CAP2: variants seen among roughly 807,000 people sequenced by gnomAD.
CAP2 encodes the protein adenylyl cyclase-associated protein 2.
In CAP2, 24 loss-of-function variants were observed where a neutral mutation model predicts 57.7. The ratio of observed to expected loss-of-function variants is 0.42; its 90% CI spans 0.30 to 0.58. The LOEUF (loss-of-function observed/expected upper bound fraction) is 0.58, where lower values mean the gene tolerates loss of function less well. CAP2 is among the 20% of genes least tolerant of loss of function. The pLI, the probability that CAP2 is intolerant of heterozygous loss-of-function variation, is 0.22. For synonymous variants in CAP2, 194 were observed against 207.2 expected, an observed-to-expected ratio of 0.94 and a Z score of 0.55; for missense variants, 501 against 590.3, an observed-to-expected ratio of 0.85 and a Z score of 1.57.
intron 4 of CAP2, among the ~76,000 whole-genome samples, chr6:17,479,031 A>G (rs1332698672): frequency 6.6e-6 from 1 of 152,040 alleles, no homozygotes; most frequent in Non-Finnish European, 1.5e-5. Flanking sequence ...TCAGAAGAGG[A>G]CTTTCTCAAA....
Position 17,526,150 on chromosome 6 carries a change from C to T in CAP2, c.636+12196C>T, listed in dbSNP as rs140533236. Among the ~76,000 whole-genome samples, 266 of 150,788 alleles carry T rather than the reference C, an allele frequency of 1.8e-3. 1 individual carries two copies. The highest frequency in any genetic ancestry group is 5.8e-3 in the African/African-American group (237 of 40,982). On this transcript the variant is annotated intron_variant, in intron 7 of 12. Coordinates refer to ENST00000229922, the MANE Select transcript of CAP2 (RefSeq NM_006366.3). Reference sequence around the variant, plus strand: ...TTTTTTTTTTAATGATGGAGTCTCGCTCTGTCGCCCAACCTGGAGTGCAGT... The same window carrying T: ...TTTTTTTTTTAATGATGGAGTCTCGTTCTGTCGCCCAACCTGGAGTGCAGT...
intron 4 of CAP2, 86 bp from the exon 5 acceptor site, chr6:17,507,083 A>G (rs966320410): frequency 1.0e-5 from 14 of 1,384,494 alleles, no homozygotes; most frequent in Non-Finnish European, 1.2e-5. Context: ...CAGGTCCTGA[A>G]TTCTCCTGCT....
At chr6:17,555,277 C>T (rs147378778) in intron 12 of CAP2, among the ~76,000 whole-genome samples, 148 of 152,186 alleles carry the variant, frequency 9.7e-4, no homozygotes, top group African/African-American at 3.2e-3. Flanking sequence ...TCACCACAAG[C>T]TCTGCCTCAT....
chr6:17,432,414 C>G (rs933824842), intron 3 of CAP2, among the ~76,000 whole-genome samples: 1 of 152,206 alleles, frequency 6.6e-6, no homozygotes, highest in African/African-American at 2.4e-5. Flanking sequence ...TGCCTTCAGC[C>G]AACTTGCTCT....
intron 4 of CAP2, among the ~76,000 whole-genome samples, chr6:17,502,470 A>G (rs1410665834): frequency 6.6e-6 from 1 of 152,118 alleles, no homozygotes; most frequent in Non-Finnish European, 1.5e-5. Flanking sequence ...TGTTTATTAG[A>G]GTTGTGCAAA....
At chr6:17,410,165 C>A (rs1685208614) in intron 1 of CAP2, among the ~76,000 whole-genome samples, 1 of 152,224 alleles carries the variant, frequency 6.6e-6, no homozygotes, top group African/African-American at 2.4e-5. Flanking sequence ...AGCCTCTCTA[C>A]TTCCCAGGGC....
intron 4 of CAP2, among the ~76,000 whole-genome samples, chr6:17,504,688 G>T (rs1411442622): frequency 6.6e-6 from 1 of 152,014 alleles, no homozygotes; most frequent in Non-Finnish European, 1.5e-5. Context: ...TCCATAAAAA[G>T]AAATACATTT....
intron 7 of CAP2, among the ~76,000 whole-genome samples, chr6:17,530,724 G>T (rs187535918): frequency 6.6e-6 from 1 of 152,126 alleles, no homozygotes; most frequent in Admixed American, 6.5e-5. Context: ...CTCTGTGGAA[G>T]AAACATCTTA....
chr6:17,535,582 T>C (rs1762755273), intron 7 of CAP2, among the ~76,000 whole-genome samples: 1 of 151,700 alleles, frequency 6.6e-6, no homozygotes, highest in Non-Finnish European at 1.5e-5. Flanking sequence ...CCATGACTTT[T>C]TTTTTTTAAG....
chr6:17,461,924 C>T (rs1220842958), intron 3 of CAP2, among the ~76,000 whole-genome samples: 5 of 128,772 alleles, frequency 3.9e-5, no homozygotes, highest in Admixed American at 1.0e-4. Context: ...ACCTGGGGGG[C>T]GGAGCTTGCA....
chr6:17,480,860 C>T (rs566600370), intron 4 of CAP2, among the ~76,000 whole-genome samples: 7 of 150,876 alleles, frequency 4.6e-5, no homozygotes, highest in East Asian at 1.9e-4. Flanking sequence ...CTGCAACCTC[C>T]GCCTCCTGAT....
At chr6:17,482,962 C>T (rs1761328877) in intron 4 of CAP2, among the ~76,000 whole-genome samples, 1 of 152,206 alleles carries the variant, frequency 6.6e-6, no homozygotes. Flanking sequence ...GTCATTTGGG[C>T]CAGTTGTTTA....
chr6:17,419,995 C>T (rs917437258), intron 1 of CAP2, among the ~76,000 whole-genome samples: 14 of 152,180 alleles, frequency 9.2e-5, no homozygotes. Context: ...CTTCAGCCTC[C>T]CAAGTAGCTG....
chr6:17,539,208 C>A, intron 7 of CAP2, 61 bp from the exon 8 acceptor site: 1 of 1,509,168 alleles, frequency 6.6e-7, no homozygotes, highest in Non-Finnish European at 9.0e-7. Context: ...CTCTCTCGGG[C>A]AAAATCCCAG....
chr6:17,399,066 C>T (rs544477967), intron 1 of CAP2, among the ~76,000 whole-genome samples: 51 of 151,950 alleles, frequency 3.4e-4, no homozygotes, highest in African/African-American at 1.2e-3. Context: ...GCTACATGAG[C>T]TTTGTTTGTT....
At chr6:17,427,570 A>G (rs1448993859) in intron 3 of CAP2, among the ~76,000 whole-genome samples, 1 of 151,648 alleles carries the variant, frequency 6.6e-6, no homozygotes, top group Non-Finnish European at 1.5e-5. Context: ...GGAATGTAAA[A>G]TGATGCAGGC....
At chr6:17,531,609 C>T (rs1762641863) in intron 7 of CAP2, 2 of 1,432,314 alleles carry the variant, frequency 1.4e-6, no homozygotes, top group South Asian at 1.1e-5. Flanking sequence ...ACAGCAGGAA[C>T]CTTCTTCTTC....
intron 3 of CAP2, among the ~76,000 whole-genome samples, chr6:17,439,774 C>G (rs745537245): frequency 6.6e-6 from 1 of 151,228 alleles, no homozygotes; most frequent in Non-Finnish European, 1.5e-5. Flanking sequence ...GGAGCTCGGG[C>G]GGTAATGCAA....
Position 17,440,102 on chromosome 6 carries a change from G to A in CAP2, c.222+13412G>A, listed in dbSNP as rs572588252. On this transcript the variant is annotated intron_variant, in intron 3 of 12. Transcript: ENST00000229922. Reference sequence around the variant, plus strand: ...TGGAATCGGTTAAAATTATAAGTTAGTATTAAAATGTTCACATGTGTGTGA... The same window carrying A: ...TGGAATCGGTTAAAATTATAAGTTAATATTAAAATGTTCACATGTGTGTGA... 2.0e-4 allele frequency among the ~76,000 whole-genome samples: 31 copies of A among 151,688 alleles called. 1 individual carries two copies. In the South Asian group the frequency reaches 6.0e-3, roughly 29 times the overall value.
Sources: allele counts gnomAD v4.1 joint callset (sites outside exome capture counted in the v4.1 genomes callset), GRCh38; gene constraint gnomAD v4.1.1; transcripts MANE v1.5; gene names NCBI Gene and HGNC (gene_info 2026-07-23, HGNC 2026-07-21).